The following DPYD variants were observed in gnomAD, a reference collection of about 807,000 sequenced individuals.
DPYD encodes dihydropyrimidine dehydrogenase.
In DPYD, 109 loss-of-function variants were observed where a neutral mutation model predicts 116.2. The ratio of observed to expected loss-of-function variants is 0.94; its 90% CI spans 0.80 to 1.10. DPYD has a LOEUF of 1.10. DPYD is among the 50% of genes least tolerant of loss of function. The pLI is 0.00. For synonymous variants in DPYD, 440 were observed against 432.0 expected (o/e 1.02, Z -0.23); for missense variants, 1,302 against 1,254.5 (o/e 1.04, Z -0.57).
Position 97,515,795 on chromosome 1 carries a change from T to G in DPYD, c.1671A>C (p.Thr557=). The G allele has an allele frequency of 6.2e-7, 1 of 1,613,016 alleles. No individual in the cohort carries two copies. The highest frequency in any genetic ancestry group is 8.5e-7 in the Non-Finnish European group (1 of 1,179,292). The part of the protein sequence containing the change: ...GLASATPATS[T]SMIRRAFEAG... ...CTTCAAAAGCTCTTCGAATCATTGATGTGCTGGTGGCTGGAGTTGCGCTAG... is the reference window on the plus strand; with the variant it reads ...CTTCAAAAGCTCTTCGAATCATTGAGGTGCTGGTGGCTGGAGTTGCGCTAG... The change falls in exon 13 of 23, where the codon ACA becomes ACC. Residue 557 remains threonine, a synonymous_variant. Transcript: ENST00000370192.
At chr1:97,224,365 C>A (rs1660975876) in intron 19 of DPYD, among the ~76,000 whole-genome samples, 1 of 151,950 alleles carries the variant, frequency 6.6e-6, no homozygotes, top group Non-Finnish European at 1.5e-5. Context: ...ATTCAGGATT[C>A]ATTGAAGCAT....
chr1:97,636,047 C>T (rs146581101), intron 8 of DPYD, among the ~76,000 whole-genome samples: 274 of 152,148 alleles, frequency 1.8e-3, no homozygotes, highest in African/African-American at 6.2e-3. Flanking sequence ...TCTCGAACTC[C>T]TGGACTCAAG....
At chr1:97,192,481 CA>C (rs1259483284) in intron 20 of DPYD, among the ~76,000 whole-genome samples, 1 of 151,982 alleles carries the variant, frequency 6.6e-6, no homozygotes. Flanking sequence ...AAAGGAAATA[CA>C]AAGGCAAAAT....
At chr1:97,512,158 C>T (rs1005643829) in intron 13 of DPYD, among the ~76,000 whole-genome samples, 1 of 151,832 alleles carries the variant, frequency 6.6e-6, no homozygotes, top group African/African-American at 2.4e-5. Context: ...TTTATCAAGC[C>T]TCTCCTATAC....
intron 1 of DPYD, 72 bp downstream of exon 1, chr1:97,920,812 C>T: frequency 1.3e-6 from 2 of 1,544,228 alleles, no homozygotes; most frequent in Non-Finnish European, 1.8e-6. Flanking sequence ...CCGCGGGGGC[C>T]TCCCCGGCAC....
Position 97,740,316 on chromosome 1 carries a change from T to C in DPYD, c.321+76A>G. Reference sequence around the variant, plus strand: ...TAACTGGATTTGCTAAGACAAGCTGTATTCTGTACCCACAGATAATAGAGA... The same window carrying C: ...TAACTGGATTTGCTAAGACAAGCTGCATTCTGTACCCACAGATAATAGAGA... On this transcript the variant is annotated intron_variant, in intron 4 of 22. Transcript: ENST00000370192. 2.4e-6 allele frequency: 3 copies of C among 1,247,412 alleles called. No homozygotes were observed. The East Asian group carries it at 7.0e-5, about 29-fold the overall frequency. The allele number at this position is 1,247,412 out of a possible 1,614,324, so 77.3% of individuals were successfully genotyped here. A position where few individuals can be genotyped will look rare whatever the true frequency, so the allele number is the denominator to read the frequency against.
intron 19 of DPYD, among the ~76,000 whole-genome samples, chr1:97,225,670 CT>C (rs748424403): frequency 6.7e-6 from 1 of 150,188 alleles, no homozygotes; most frequent in Non-Finnish European, 1.5e-5. Flanking sequence ...CATAGGAAGT[CT>C]TTTCATCTTG....
intron 8 of DPYD, among the ~76,000 whole-genome samples, chr1:97,602,922 G>T (rs1243946982): frequency 6.6e-6 from 1 of 151,850 alleles, no homozygotes; most frequent in Non-Finnish European, 1.5e-5. Context: ...TTCTAGAAAA[G>T]ATGTTAATGT....
chr1:97,087,821 T>A (rs1441929891), intron 21 of DPYD, among the ~76,000 whole-genome samples: 2 of 152,232 alleles, frequency 1.3e-5, no homozygotes, highest in Non-Finnish European at 2.9e-5. Flanking sequence ...TAAAATTCTT[T>A]ATGGGATTCT....
intron 16 of DPYD, among the ~76,000 whole-genome samples, chr1:97,350,886 G>C (rs936927771): frequency 1.3e-5 from 2 of 152,118 alleles, no homozygotes; most frequent in African/African-American, 4.8e-5. Flanking sequence ...TGGGAGCAGT[G>C]CCTTACCAAG....
Position 97,723,028 on chromosome 1 carries a change from C to T in DPYD, c.322-1357G>A, listed in dbSNP as rs1048848581. Among the ~76,000 whole-genome samples the T allele has an allele frequency of 3.3e-5, 5 of 150,938 alleles. No homozygotes were observed. The Admixed American group carries it at 3.3e-4, about 10-fold the overall frequency. On this transcript the variant is annotated intron_variant, in intron 4 of 22. Coordinates refer to ENST00000370192, the MANE Select transcript of DPYD (RefSeq NM_000110.4). ...GACGAAAATTCAGGAAAAGAAAAGA[C>T]AAAAAAAGAAACAATTAATAATAGC...
intron 20 of DPYD, among the ~76,000 whole-genome samples, chr1:97,129,533 T>C (rs1029486237): frequency 6.6e-6 from 1 of 152,110 alleles, no homozygotes; most frequent in Admixed American, 6.6e-5. Context: ...TTGCCCCTAG[T>C]TGGTCACCAA....
At position 97,098,596 on chromosome 1, in the gene DPYD, T is replaced by A. The variant is rs768200107; in HGVS notation, c.2659A>T (p.Lys887Ter). The A allele has an allele frequency of 6.2e-7, 1 of 1,613,014 alleles. No homozygotes were observed. The highest frequency in any genetic ancestry group is 8.5e-7 in the Non-Finnish European group (1 of 1,179,474). The change falls in exon 21 of 23, where the codon AAG becomes TAG. Residue 887 changes from lysine (K) to a stop codon, truncating the protein, a stop_gained. Coordinates refer to ENST00000370192, the MANE Select transcript of DPYD (RefSeq NM_000110.4). LOFTEE classifies it high-confidence loss of function. ...ATCTTGTTTTCTGCTATGATTTTCTTGCGCTGTTCCAGATAAGGTCCAAAA... is the reference window on the plus strand; with the variant it reads ...ATCTTGTTTTCTGCTATGATTTTCTAGCGCTGTTCCAGATAAGGTCCAAAA... ...PSFGPYLEQRKKIIAENKIRL... is the reference protein window; with the variant it reads ...PSFGPYLEQR
intron 11 of DPYD, among the ~76,000 whole-genome samples, chr1:97,562,615 T>C (rs1392819748): frequency 2.0e-5 from 3 of 152,200 alleles, no homozygotes; most frequent in Non-Finnish European, 2.9e-5. Flanking sequence ...CCTCCAACAA[T>C]GGCAGTATAT....
At chr1:97,545,950 T>C in intron 12 of DPYD, 1 of 1,164,884 alleles carries the variant, frequency 8.6e-7, no homozygotes, top group Non-Finnish European at 1.3e-6. Flanking sequence ...CATACTCTAC[T>C]GCACTTCCTT....
intron 11 of DPYD, among the ~76,000 whole-genome samples, chr1:97,552,757 A>C (rs1223567346): frequency 6.6e-6 from 1 of 152,204 alleles, no homozygotes; most frequent in East Asian, 1.9e-4. Flanking sequence ...AAATAGAAAA[A>C]GGATTTTCTT....
chr1:97,900,617 A>G (rs1357385964), intron 1 of DPYD, among the ~76,000 whole-genome samples: 2 of 152,000 alleles, frequency 1.3e-5, no homozygotes, highest in African/African-American at 2.4e-5. Context: ...TTATTGTGCC[A>G]GCACAAAAAA....
chr1:97,507,026 G>A lies in DPYD; in HGVS notation c.1740+8700C>T, dbSNP rs1179072582. Among the ~76,000 whole-genome samples the A allele has an allele frequency of 9.9e-5, 15 of 152,076 alleles. No individual in the cohort carries two copies. The East Asian group carries it at 2.9e-3, about 30-fold the overall frequency. On this transcript the variant is annotated intron_variant, in intron 13 of 22. Coordinates refer to ENST00000370192, the MANE Select transcript of DPYD (RefSeq NM_000110.4). ...ACACGAGTGTGCAAGCACACATACA[G>A]GTTCTTTTGTTGATGAAGAAATGAG...
chr1:97,658,285 A>G (rs1456955921), intron 8 of DPYD, among the ~76,000 whole-genome samples: 1 of 152,212 alleles, frequency 6.6e-6, no homozygotes, highest in Non-Finnish European at 1.5e-5. Context: ...TTTGAAACCA[A>G]TTATAGGAAT....
Sources: allele counts gnomAD v4.1 joint callset (sites outside exome capture counted in the v4.1 genomes callset), GRCh38; gene constraint gnomAD v4.1.1; transcripts MANE v1.5; gene names NCBI Gene and HGNC (gene_info 2026-07-23, HGNC 2026-07-21).